UPP2: variants seen among roughly 807,000 people sequenced by gnomAD.
UPP2 encodes UPase 2.
In UPP2, 23 loss-of-function variants were observed where a neutral mutation model predicts 26.7. That is an observed-to-expected ratio of 0.86 (90% CI 0.62 to 1.22). The LOEUF is 1.22. Ranked by LOEUF, UPP2 falls within the 50% of genes most tolerant of loss-of-function variation. The probability of loss-of-function intolerance (pLI) is 0.00; values close to 1 mark genes in which losing one functional copy is unlikely to be tolerated. For synonymous variants in UPP2, 127 were observed against 141.3 expected, an observed-to-expected ratio of 0.90 and a Z score of 0.72; for missense variants, 387 against 396.7, an observed-to-expected ratio of 0.98 and a Z score of 0.21.
At chr2:158,017,899 TTATA>T (rs879659956) in intron 3 of UPP2, among the ~76,000 whole-genome samples, 2 of 152,248 alleles carry the variant, frequency 1.3e-5, no homozygotes, top group Non-Finnish European at 2.9e-5. Context: ...CTTTTTAAGC[TTATA>T]TACTTTGAAA....
chr2:158,072,621 G>T (rs912471344), intron 3 of UPP2, among the ~76,000 whole-genome samples: 7 of 151,356 alleles, frequency 4.6e-5, no homozygotes, highest in Admixed American at 2.0e-4. Flanking sequence ...GCTCTGGGCA[G>T]CTCAGCACAC....
chr2:158,121,351 G>T, intron 4 of UPP2, 58 bp from the exon 5 acceptor site: 1 of 1,454,184 alleles, frequency 6.9e-7, no homozygotes, highest in Non-Finnish European at 9.7e-7. Context: ...TACATACTAT[G>T]TGTCAAAAGT....
intron 2 of UPP2, among the ~76,000 whole-genome samples, chr2:158,001,679 A>G (rs909868162): frequency 3.9e-5 from 6 of 152,148 alleles, no homozygotes; most frequent in Non-Finnish European, 5.9e-5. Flanking sequence ...TCCCAAGATG[A>G]AATAACTTAT....
At chr2:158,043,511 G>A (rs1684109051) in intron 3 of UPP2, among the ~76,000 whole-genome samples, 2 of 152,180 alleles carry the variant, frequency 1.3e-5, no homozygotes, top group Admixed American at 1.3e-4. Context: ...GGCTCACAGA[G>A]TATGCATGGG....
chr2:158,063,278 GC>G (rs990237215), intron 3 of UPP2, among the ~76,000 whole-genome samples: 6 of 152,196 alleles, frequency 3.9e-5, no homozygotes, highest in Middle Eastern at 3.4e-3. Flanking sequence ...TTTTCTGTCT[GC>G]CTCTTTAGAA....
chr2:158,116,198 A>C (rs1387661950), intron 3 of UPP2, among the ~76,000 whole-genome samples: 3 of 152,222 alleles, frequency 2.0e-5, no homozygotes, highest in Admixed American at 1.3e-4. Context: ...AACCTGCTCA[A>C]ATGGGAGAGT....
chr2:158,036,818 G>A (rs1369612591), intron 3 of UPP2, among the ~76,000 whole-genome samples: 1 of 152,072 alleles, frequency 6.6e-6, no homozygotes, highest in Admixed American at 6.6e-5. Context: ...AGTTGAAAGG[G>A]GGCACAGTCA....
In UPP2 at chr2:157,996,301, C is replaced by CT. The variant is rs541096696; in HGVS notation, c.61+1050dup. Among the ~76,000 whole-genome samples, 23 of 152,114 alleles carry CT rather than the reference C, an allele frequency of 1.5e-4. 1 individual carries two copies. The South Asian group carries it at 3.9e-3, about 26-fold the overall frequency. ...GAGATACAACTATTGCCTAAACATACTTTTTTTTCTTTTTTAAGCTAGGCT... is the reference window on the plus strand; with the variant it reads ...GAGATACAACTATTGCCTAAACATACTTTTTTTTTCTTTTTTAAGCTAGGCT... On this transcript the variant is annotated intron_variant, in intron 2 of 9. Transcript: ENST00000605860.
Position 158,123,754 on chromosome 2 carries a change from G to A in UPP2, c.670G>A (p.Gly224Ser). The A allele has an allele frequency of 1.9e-6, 3 of 1,613,756 alleles. No individual in the cohort carries two copies. In the South Asian group the frequency reaches 3.3e-5, roughly 18 times the overall value. The change falls in exon 6 of 7, where the codon GGC becomes AGC. Residue 224 changes from glycine to serine, a missense_variant. Coordinates refer to ENST00000005756, the MANE Select transcript of UPP2 (RefSeq NM_173355.4). ...CGTTCTCCCCTCCCTTTCAGGCCAA[G>A]GCCGACTAGATGGAGCACTGTGCTC... The part of the protein sequence containing the change: ...MCTYDFYEGQ[G>S]RLDGALCSFS...
chr2:158,065,280 T>C (rs112868772), intron 3 of UPP2, among the ~76,000 whole-genome samples: 13 of 152,286 alleles, frequency 8.5e-5, no homozygotes, highest in East Asian at 1.9e-4. Context: ...TTGAAACCCA[T>C]AGGGCATTTT....
At chr2:158,118,031 A>C in intron 4 of UPP2, 93 bp downstream of exon 4, 1 of 1,056,538 alleles carries the variant, frequency 9.5e-7, no homozygotes, top group East Asian at 2.4e-5. Context: ...GCCCAGCAAA[A>C]GCCCAGATGG....
chr2:158,053,230 CCTTT>C (rs1464332820), intron 3 of UPP2, among the ~76,000 whole-genome samples: 1 of 152,098 alleles, frequency 6.6e-6, no homozygotes, highest in African/African-American at 2.4e-5. Flanking sequence ...AAAGATGTAG[CCTTT>C]CTAACAAAAC....
intron 1 of UPP2, among the ~76,000 whole-genome samples, chr2:158,104,595 C>G (rs1205421515): frequency 6.6e-6 from 1 of 151,956 alleles, no homozygotes; most frequent in East Asian, 1.9e-4. Context: ...GACACAAGGC[C>G]TGGTAAAATG....
At chr2:158,045,508 T>C (rs1389530498) in intron 3 of UPP2, among the ~76,000 whole-genome samples, 2 of 152,216 alleles carry the variant, frequency 1.3e-5, no homozygotes, top group African/African-American at 4.8e-5. Context: ...TTTCGCTCCA[T>C]ACCATGCCTG....
At chr2:158,010,848 C>T (rs1480003749) in intron 2 of UPP2, among the ~76,000 whole-genome samples, 1 of 150,506 alleles carries the variant, frequency 6.6e-6, no homozygotes, top group East Asian at 1.9e-4. Flanking sequence ...TCACTGCAAT[C>T]TCTGCCTCCT....
At chr2:158,106,255 T>G in intron 2 of UPP2, 39 bp downstream of exon 2, 1 of 1,572,624 alleles carries the variant, frequency 6.4e-7, no homozygotes, top group Admixed American at 1.8e-5. Flanking sequence ...TGATTGAGTT[T>G]TCTCTACTAA....
chr2:158,125,043 G>A (rs898043285), intron 6 of UPP2, among the ~76,000 whole-genome samples: 2 of 152,160 alleles, frequency 1.3e-5, no homozygotes, highest in African/African-American at 2.4e-5. Flanking sequence ...TTGCTTAAAC[G>A]TTAAAAGTTA....
intron 2 of UPP2, among the ~76,000 whole-genome samples, chr2:158,114,307 G>A (rs1038929936): frequency 6.6e-6 from 1 of 152,118 alleles, no homozygotes; most frequent in Non-Finnish European, 1.5e-5. Context: ...CTGACCCGTA[G>A]TGCTTCTCTG....
At position 158,038,155 on chromosome 2, in the gene UPP2, T is replaced by C. The variant is rs1574257699; in HGVS notation, c.147+22269T>C. Among the ~76,000 whole-genome samples the C allele has an allele frequency of 3.9e-5, 6 of 152,236 alleles. No homozygotes were observed. In the South Asian group the frequency reaches 1.2e-3, roughly 31 times the overall value. On this transcript the variant is annotated intron_variant, in intron 3 of 9. Transcript: ENST00000605860. Reference sequence around the variant, plus strand: ...TTTCAGTTTCCCAAGTTTAAGAATCTCAGCACACATAATTTAGTATTTGTA... The same window carrying C: ...TTTCAGTTTCCCAAGTTTAAGAATCCCAGCACACATAATTTAGTATTTGTA...
Sources: gnomAD v4.1 joint callset for allele counts (sites outside exome capture counted in the v4.1 genomes callset) on GRCh38, gnomAD v4.1.1 for gene constraint, MANE v1.5 for transcripts, NCBI Gene and HGNC (gene_info 2026-07-23, HGNC 2026-07-21) for gene names.